Variants in TNFRSF10A observed in about 807,000 individuals in gnomAD.
TNFRSF10A encodes tumor necrosis factor receptor superfamily member 10A.
Under a neutral mutation model 42.8 loss-of-function variants are expected in TNFRSF10A, and 44 were observed. The observed-to-expected ratio is 1.03, with a 90% CI of 0.81 to 1.32. The LOEUF (loss-of-function observed/expected upper bound fraction) is 1.32, where lower values mean the gene tolerates loss of function less well. TNFRSF10A is among the 40% of genes most tolerant of loss of function. TNFRSF10A has a pLI of 0.00. For synonymous variants in TNFRSF10A, 259 were observed against 234.2 expected, an observed-to-expected ratio of 1.11 and a Z score of -0.97; for missense variants, 680 against 602.0, an observed-to-expected ratio of 1.13 and a Z score of -1.36.
chr8:23,198,198 C>T (rs901045841), intron 8 of TNFRSF10A, among the ~76,000 whole-genome samples: 1 of 152,040 alleles, frequency 6.6e-6, no homozygotes, highest in African/African-American at 2.4e-5. Flanking sequence ...GTTGGAAAAA[C>T]CAGACAGTGA....
intron 9 of TNFRSF10A, among the ~76,000 whole-genome samples, chr8:23,195,275 G>A (rs772635288): frequency 2.0e-5 from 3 of 152,160 alleles, no homozygotes; most frequent in East Asian, 1.9e-4. Flanking sequence ...GAAATAATTC[G>A]TATGGCTTTT....
chr8:23,201,175 A>C (rs557575214), intron 4 of TNFRSF10A, among the ~76,000 whole-genome samples: 1 of 152,272 alleles, frequency 6.6e-6, no homozygotes, highest in East Asian at 1.9e-4. Context: ...GTTCCTCTCA[A>C]TCACAGCAAA....
rs1434485088 is a variant in TNFRSF10A, at chr8:23,202,733, G to T, written c.432C>A (p.Ala144=). ...CCACACCCTCTGTGCACCGGTTACA[G>T]GCTCCAGGATGTTCTGATCTATGAG... is the stretch of plus-strand genomic sequence containing the variant. ...PGSHRSEHPG[A]CNRCTEGVGY... The change falls in exon 3 of 10, where the codon GCC becomes GCA. Residue 144 remains alanine, a synonymous_variant. Coordinates refer to ENST00000221132, the MANE Select transcript of TNFRSF10A (RefSeq NM_003844.4). 7 of 1,613,794 alleles carry T rather than the reference G, an allele frequency of 4.3e-6. No individual in the cohort carries two copies. Among genetic ancestry groups the T allele is most frequent in the Non-Finnish European group, 5.9e-6 (7 of 1,179,818 alleles).
chr8:23,203,798 G>C (rs1220932658), intron 2 of TNFRSF10A, among the ~76,000 whole-genome samples: 1 of 140,042 alleles, frequency 7.1e-6, no homozygotes, highest in Non-Finnish European at 1.6e-5. Flanking sequence ...TTTTTTTTGA[G>C]ATGGAGTCTC....
At chr8:23,200,371 G>A (rs1800889398) in intron 6 of TNFRSF10A, 134 bp downstream of exon 6, 2 of 950,028 alleles carry the variant, frequency 2.1e-6, no homozygotes, top group East Asian at 5.2e-5. Context: ...AGGATGGGGG[G>A]TGATCACAAG....
At chr8:23,217,308 CTGG>C (rs1801198254) in intron 1 of TNFRSF10A, among the ~76,000 whole-genome samples, 1 of 152,092 alleles carries the variant, frequency 6.6e-6, no homozygotes, top group Non-Finnish European at 1.5e-5. Context: ...CTCCGAATCC[CTGG>C]TTCAAGTGAT....
Position 23,200,739 on chromosome 8 carries a change from C to A in TNFRSF10A, c.651G>T (p.Lys217Asn). The part of the protein sequence containing the change: ...CSRGCPRGMV[K>N]VKDCTPWSDI... ...CACTCCAGGGCGTACAATCCTTGAC[C>A]TTGACCATCCCTCTGGGGCACCTGG... is the stretch of plus-strand genomic sequence containing the variant. Residue 217 changes from lysine to asparagine, a missense_variant, in exon 5 of 10, where the codon AAG becomes AAT. Lys to Asn is a moderately conservative substitution (Grantham distance 94). Transcript: ENST00000221132. 2 of 1,538,428 alleles carry A rather than the reference C, an allele frequency of 1.3e-6. No individual in the cohort carries two copies. Among genetic ancestry groups the A allele is most frequent in the Non-Finnish European group, 1.8e-6 (2 of 1,132,132 alleles).
intron 2 of TNFRSF10A, among the ~76,000 whole-genome samples, chr8:23,203,768 A>T (rs1800968605): frequency 6.6e-6 from 1 of 151,752 alleles, no homozygotes; most frequent in African/African-American, 2.4e-5. Flanking sequence ...TTACTACTGA[A>T]AAATAATAAA....
At chr8:23,224,428 C>A (rs191881784) in intron 1 of TNFRSF10A, 1 of 305,728 alleles carries the variant, frequency 3.3e-6, no homozygotes, top group Non-Finnish European at 6.1e-6. Context: ...TGGAAGTTTA[C>A]ACACTTGAGC....
At chr8:23,200,429 G>A in intron 6 of TNFRSF10A, 76 bp downstream of exon 6, 4 of 1,521,460 alleles carry the variant, frequency 2.6e-6, no homozygotes, top group Non-Finnish European at 3.6e-6. Flanking sequence ...GGGCAGGGGT[G>A]AGCGTTTCTG....
At chr8:23,213,297 C>T (rs2128850518) in intron 1 of TNFRSF10A, among the ~76,000 whole-genome samples, 1 of 151,966 alleles carries the variant, frequency 6.6e-6, no homozygotes, top group Admixed American at 6.6e-5. Context: ...CTTAGTCCAT[C>T]TAAGTAAAGG....
chr8:23,191,635 A>AC lies in TNFRSF10A; in HGVS notation c.*58_*59insG. Reference sequence around the variant, plus strand: ...TTTGTATACATGTTAAAAAAAAAAAAAACCTAATATGTATTAACTCCTAAC... The same window carrying AC: ...TTTGTATACATGTTAAAAAAAAAAAACAACCTAATATGTATTAACTCCTAAC... On this transcript the variant is annotated 3_prime_UTR_variant, in exon 10 of 10. Coordinates refer to ENST00000221132, the MANE Select transcript of TNFRSF10A (RefSeq NM_003844.4). 5 of 1,478,110 alleles carry AC rather than the reference A, an allele frequency of 3.4e-6. No homozygotes were observed. Among genetic ancestry groups the AC allele is most frequent in the Non-Finnish European group, 4.5e-6 (5 of 1,121,634 alleles). 91.6% of individuals were successfully genotyped at this position (1,478,110 alleles called of 1,614,324 possible).
intron 1 of TNFRSF10A, among the ~76,000 whole-genome samples, chr8:23,217,827 C>T (rs1300294830): frequency 2.0e-5 from 3 of 152,180 alleles, no homozygotes; most frequent in African/African-American, 4.8e-5. Context: ...TTCCTTAGGA[C>T]AGTTCCAGTT....
intron 8 of TNFRSF10A, 137 bp downstream of exon 8, chr8:23,199,129 G>T: frequency 1.0e-6 from 1 of 976,358 alleles, no homozygotes; most frequent in Non-Finnish European, 1.5e-6. Flanking sequence ...TTGTGAGGGT[G>T]GCTGCTTTTT....
At chr8:23,198,136 T>G (rs1563377765) in intron 8 of TNFRSF10A, among the ~76,000 whole-genome samples, 1 of 152,096 alleles carries the variant, frequency 6.6e-6, no homozygotes, top group Non-Finnish European at 1.5e-5. Flanking sequence ...TAACCTGTGA[T>G]TAAGGAGGGA....
At chr8:23,198,356 T>G (rs977706815) in intron 8 of TNFRSF10A, among the ~76,000 whole-genome samples, 3 of 152,226 alleles carry the variant, frequency 2.0e-5, no homozygotes. Context: ...GCAAAAGGTC[T>G]TTCTACAGTA....
intron 8 of TNFRSF10A, among the ~76,000 whole-genome samples, chr8:23,197,533 ACC>A (rs968495074): frequency 6.6e-6 from 1 of 151,714 alleles, no homozygotes; most frequent in African/African-American, 2.4e-5. Flanking sequence ...GTCTCCCATC[ACC>A]CTCAGATAGG....
At chr8:23,192,901 A>T (rs574747732) in intron 9 of TNFRSF10A, among the ~76,000 whole-genome samples, 1,644 of 152,338 alleles carry the variant, frequency 0.011, 14 homozygotes, top group Non-Finnish European at 0.017. Flanking sequence ...TCTCAAAAAA[A>T]GTAGCAAAGA....
chr8:23,223,860 G>C (rs1801291235), intron 1 of TNFRSF10A, among the ~76,000 whole-genome samples: 1 of 152,224 alleles, frequency 6.6e-6, no homozygotes, highest in Non-Finnish European at 1.5e-5. Flanking sequence ...GCTCCTGGCT[G>C]CCTGCCTCGT....
Sources: allele counts gnomAD v4.1 joint callset (sites outside exome capture counted in the v4.1 genomes callset), GRCh38; gene constraint gnomAD v4.1.1; transcripts MANE v1.5; gene names NCBI Gene and HGNC (gene_info 2026-07-23, HGNC 2026-07-21).